Variants in KCNC2 observed in about 807,000 individuals in gnomAD.
KCNC2 encodes the protein potassium voltage-gated channel subfamily C member 2.
KCNC2 carries 21 observed loss-of-function variants against 44.5 expected under a neutral mutation model. That is an observed-to-expected ratio of 0.47 (90% CI 0.33 to 0.68). The LOEUF (loss-of-function observed/expected upper bound fraction) is 0.68, where lower values mean the gene tolerates loss of function less well. Ranked by LOEUF, KCNC2 falls within the 30% of genes least tolerant of loss-of-function variation. The pLI, the probability that KCNC2 is intolerant of heterozygous loss-of-function variation, is 0.01. For synonymous variants in KCNC2, 391 were observed against 339.1 expected (o/e 1.15, Z -1.68); for missense variants, 589 against 826.2 (o/e 0.71, Z 3.52).
chr12:75,046,922 A>AAGT (rs1290114798), intron 4 of KCNC2, among the ~76,000 whole-genome samples: 1 of 152,000 alleles, frequency 6.6e-6, no homozygotes, highest in Non-Finnish European at 1.5e-5. Flanking sequence ...AAATGAAGAG[A>AAGT]AGTACAACAT....
intron 2 of KCNC2, among the ~76,000 whole-genome samples, chr12:75,204,456 A>G (rs1012490412): frequency 1.3e-5 from 2 of 152,060 alleles, no homozygotes; most frequent in African/African-American, 4.8e-5. Context: ...TATTGGAGAA[A>G]AAAGAAAATT....
At chr12:75,189,596 C>T (rs2029995947) in intron 2 of KCNC2, among the ~76,000 whole-genome samples, 1 of 152,166 alleles carries the variant, frequency 6.6e-6, no homozygotes, top group Admixed American at 6.5e-5. Context: ...TAAACTTGTG[C>T]TAGGCATCAG....
intron 2 of KCNC2, among the ~76,000 whole-genome samples, chr12:75,156,918 G>A (rs543883767): frequency 1.3e-5 from 2 of 151,848 alleles, no homozygotes; most frequent in Non-Finnish European, 2.9e-5. Flanking sequence ...CCAGAGGGTA[G>A]CATTGACATA....
chr12:75,185,265 T>A (rs978392461), intron 2 of KCNC2, among the ~76,000 whole-genome samples: 2 of 152,108 alleles, frequency 1.3e-5, no homozygotes, highest in African/African-American at 2.4e-5. Context: ...GATTGATAAG[T>A]TTCAGTTATT....
At chr12:75,194,865 A>G (rs756071301) in intron 2 of KCNC2, among the ~76,000 whole-genome samples, 1 of 152,166 alleles carries the variant, frequency 6.6e-6, no homozygotes, top group Non-Finnish European at 1.5e-5. Flanking sequence ...GGTGTGGTAT[A>G]TATGTGTCTT....
chr12:75,092,891 T>TCCAC (rs2137138447), intron 2 of KCNC2, among the ~76,000 whole-genome samples: 1 of 151,764 alleles, frequency 6.6e-6, no homozygotes, highest in African/African-American at 2.4e-5. Context: ...AAGCTTATTA[T>TCCAC]ATTGCAGTAG....
At chr12:75,043,555 A>G in intron 4 of KCNC2, 1 of 1,216,514 alleles carries the variant, frequency 8.2e-7, no homozygotes, top group Non-Finnish European at 1.0e-6. Flanking sequence ...TAGGCAAAGC[A>G]ACTTAAGTAA....
intron 2 of KCNC2, among the ~76,000 whole-genome samples, chr12:75,071,760 A>G (rs1018431201): frequency 5.3e-5 from 8 of 151,600 alleles, no homozygotes; most frequent in Admixed American, 1.3e-4. Context: ...GACCAGCCTG[A>G]CCAACGTCTC....
chr12:75,083,149 T>C (rs1468305917), intron 2 of KCNC2, among the ~76,000 whole-genome samples: 3 of 151,490 alleles, frequency 2.0e-5, no homozygotes, highest in Non-Finnish European at 4.4e-5. Flanking sequence ...TATTTAATAT[T>C]TTGTTAAAAA....
In KCNC2 at chr12:75,188,619, C is replaced by T. The variant is rs916321349; in HGVS notation, c.687+18678G>A. On this transcript the variant is annotated intron_variant, in intron 2 of 4. Transcript: ENST00000549446. ...GCTTACACCTGTAATCCCAGCACTT[C>T]GGGAGGCTGAGGCGGGTGGATCACG... Among the ~76,000 whole-genome samples, 8 of 151,384 alleles carry T rather than the reference C, an allele frequency of 5.3e-5. No homozygotes were observed. In the South Asian group the frequency reaches 1.2e-3, roughly 24 times the overall value.
chr12:75,051,123 A>G lies in KCNC2; in HGVS notation c.882T>C (p.Thr294=), dbSNP rs1395539740. The part of the protein sequence containing the change: ...YVEGVCVVWF[T]FEFLVRIVFS... ...AAACAATACGGACTAAAAATTCAAA[A>G]GTAAACCACACCACACACACTCCTT... The change falls in exon 3 of 5, where the codon ACT becomes ACC. Residue 294 remains threonine, a synonymous_variant. Coordinates refer to ENST00000549446, the MANE Select transcript of KCNC2 (RefSeq NM_139137.4). 2 of 1,613,868 alleles carry G rather than the reference A, an allele frequency of 1.2e-6. No individual in the cohort carries two copies. Among genetic ancestry groups the G allele is most frequent in the Middle Eastern group, 1.7e-4 (1 of 6,058 alleles).
chr12:75,109,993 A>G (rs572646711), intron 2 of KCNC2, among the ~76,000 whole-genome samples: 18 of 152,004 alleles, frequency 1.2e-4, no homozygotes, highest in Non-Finnish European at 2.4e-4. Flanking sequence ...ACAGAGAAAA[A>G]ATACAAGAAT....
chr12:75,138,524 C>A (rs557667259), intron 2 of KCNC2, among the ~76,000 whole-genome samples: 205 of 152,216 alleles, frequency 1.3e-3, no homozygotes, highest in Non-Finnish European at 2.1e-3. Flanking sequence ...TATGGTAGAG[C>A]AAACGTCCAT....
intron 2 of KCNC2, among the ~76,000 whole-genome samples, chr12:75,154,123 A>T (rs1484034545): frequency 6.6e-6 from 1 of 152,050 alleles, no homozygotes; most frequent in African/African-American, 2.4e-5. Context: ...TAAAAAAGAA[A>T]TATATTTCTA....
At chr12:75,156,633 C>G (rs957671623) in intron 2 of KCNC2, among the ~76,000 whole-genome samples, 6 of 151,716 alleles carry the variant, frequency 4.0e-5, no homozygotes, top group African/African-American at 1.4e-4. Flanking sequence ...TGATGCCTAC[C>G]GTTGAAAGTT....
intron 2 of KCNC2, among the ~76,000 whole-genome samples, chr12:75,122,339 G>A (rs553530568): frequency 1.4e-4 from 21 of 152,304 alleles, no homozygotes; most frequent in African/African-American, 5.1e-4. Context: ...AAGAAACTGA[G>A]TCCCAGCACT....
At chr12:75,109,478 G>A (rs1052236548) in intron 2 of KCNC2, among the ~76,000 whole-genome samples, 1 of 152,164 alleles carries the variant, frequency 6.6e-6, no homozygotes, top group Non-Finnish European at 1.5e-5. Flanking sequence ...TGGGATCTGA[G>A]AACCTGTAGG....
At chr12:75,202,107 C>T (rs769877600) in intron 2 of KCNC2, among the ~76,000 whole-genome samples, 15 of 151,890 alleles carry the variant, frequency 9.9e-5, no homozygotes, top group Non-Finnish European at 2.1e-4. Flanking sequence ...TTTTCAGTTG[C>T]TTTGAAAATG....
At chr12:75,117,860 T>G (rs755095137) in intron 2 of KCNC2, among the ~76,000 whole-genome samples, 1 of 152,142 alleles carries the variant, frequency 6.6e-6, no homozygotes, top group Non-Finnish European at 1.5e-5. Context: ...ATGCCATAAT[T>G]TAGGGCAATG....
Sources: allele counts gnomAD v4.1 joint callset (sites outside exome capture counted in the v4.1 genomes callset), GRCh38; gene constraint gnomAD v4.1.1; transcripts MANE v1.5; gene names NCBI Gene and HGNC (gene_info 2026-07-23, HGNC 2026-07-21).